ARFGAP1: variants seen among roughly 807,000 people sequenced by gnomAD.
ARFGAP1 encodes the protein ARF GTPase activating protein 1.
ARFGAP1 carries 26 observed loss-of-function variants against 54.0 expected under a neutral mutation model. The observed-to-expected ratio is 0.48, with a 90% CI of 0.35 to 0.67. The LOEUF (loss-of-function observed/expected upper bound fraction) is 0.67. Among genes scored for constraint, ARFGAP1 ranks in the 30% least tolerant of loss-of-function variants. The pLI, the probability that ARFGAP1 is intolerant of heterozygous loss-of-function variation, is 0.00. For missense variants in ARFGAP1, 525 were observed against 535.8 expected, an observed-to-expected ratio of 0.98 and a Z score of 0.20; for synonymous variants, 248 against 211.9, an observed-to-expected ratio of 1.17 and a Z score of -1.48.
chr20:63,278,940 C>T lies in ARFGAP1; in HGVS notation c.572C>T (p.Pro191Leu), dbSNP rs748362337. 3.7e-5 allele frequency: 59 copies of T among 1,614,000 alleles called. No homozygotes were observed. In the South Asian group the frequency reaches 4.7e-4, roughly 13 times the overall value. The change falls in exon 7 of 13, where the codon CCG (proline) becomes CTG (leucine). Residue 191 changes from proline to leucine, a missense_variant. Transcript: ENST00000370283. The stretch of plus-strand genomic sequence containing the variant: ...TACGTGGGGTTTGGGAACACGCCAC[C>T]GCCTCAGAAGAAAGAAGATGACTTC... Reference protein sequence around the residue: ...NRYVGFGNTPPPQKKEDDFLN... With the variant: ...NRYVGFGNTPLPQKKEDDFLN...
In ARFGAP1 at chr20:63,288,573, C is replaced by T. The variant is rs1431983284; in HGVS notation, c.*700C>T. ...GCTGTTCTCAGTGCTGGAACTTGAC[C>T]ATCCTGGAACACCCTGGAAGAAAAA... On this transcript the variant is annotated 3_prime_UTR_variant, in exon 13 of 13. Transcript: ENST00000370283. 1 of 448,966 alleles carries T rather than the reference C, an allele frequency of 2.2e-6. No individual in the cohort carries two copies. The highest frequency in any genetic ancestry group is 1.6e-5 in the South Asian group (1 of 64,460). 27.8% of individuals were successfully genotyped at this position (448,966 alleles called of 1,614,324 possible).
chr20:63,277,152 A>G, intron 4 of ARFGAP1, 53 bp from the exon 5 acceptor site: 4 of 1,517,870 alleles, frequency 2.6e-6, no homozygotes, highest in African/African-American at 1.4e-5. Flanking sequence ...ACGGTGCCCG[A>G]GGGCATCGCC....
At chr20:63,278,406 A>G in intron 6 of ARFGAP1, 2 of 536,676 alleles carry the variant, frequency 3.7e-6, no homozygotes, top group South Asian at 2.0e-5. Flanking sequence ...AGCCCCAGCC[A>G]GCCCAGGTGT....
intron 10 of ARFGAP1, among the ~76,000 whole-genome samples, chr20:63,285,145 C>T (rs897019978): frequency 1.3e-5 from 2 of 152,170 alleles, no homozygotes; most frequent in Admixed American, 6.5e-5. Flanking sequence ...GCAGTGCCCC[C>T]AGCCCAGCAC....
At chr20:63,273,116 C>T (rs1342792863) in intron 1 of ARFGAP1, 196 bp downstream of exon 1, 1 of 152,036 alleles carries the variant, frequency 6.6e-6, no homozygotes, top group East Asian at 1.9e-4. Flanking sequence ...GCGGCGGGGC[C>T]CTTCTCGCGC....
In ARFGAP1 at chr20:63,283,801, C is replaced by T. The variant is rs376254650; in HGVS notation, c.717+950C>T. 1.6e-5 allele frequency: 26 copies of T among 1,607,824 alleles called. No individual in the cohort carries two copies. In the East Asian group the frequency reaches 2.7e-4, roughly 17 times the overall value. ...CGAAGGCGCTGCTGGTTACTAATGC[C>T]GCCCCTCACCTTGCTCTCTCCTCAC... On this transcript the variant is annotated intron_variant, in intron 9 of 12. Coordinates refer to ENST00000370283, the MANE Select transcript of ARFGAP1 (RefSeq NM_018209.4).
chr20:63,275,723 T>C (rs6011712), intron 2 of ARFGAP1, 83 bp downstream of exon 2: 533,587 of 1,348,106 alleles, frequency 0.4, 109,962 homozygotes, highest in Admixed American at 0.46. Flanking sequence ...AGCCTGTAGT[T>C]CTGGGACCCT....
At chr20:63,284,775 C>T (rs934368744) in intron 9 of ARFGAP1, 91 bp from the exon 10 acceptor site, 30 of 1,564,830 alleles carry the variant, frequency 1.9e-5, no homozygotes, top group Middle Eastern at 1.7e-4. Context: ...TGGTGAAGCT[C>T]GTGCTGCCCT....
chr20:63,278,653 C>T, intron 6 of ARFGAP1: 1 of 548,020 alleles, frequency 1.8e-6, no homozygotes, highest in Non-Finnish European at 3.2e-6. Context: ...GATCCTTCTT[C>T]TAGTACTTCT....
intron 6 of ARFGAP1, 37 bp from the exon 7 acceptor site, chr20:63,278,862 G>A: frequency 6.2e-7 from 1 of 1,607,560 alleles, no homozygotes; most frequent in African/African-American, 1.3e-5. Flanking sequence ...CAGGGTTCAT[G>A]CCAGCATCTT....
At position 63,286,388 on chromosome 20, in the gene ARFGAP1, G is replaced by T. The variant is rs1419597226; in HGVS notation, c.857G>T (p.Gly286Val). 6.2e-7 allele frequency: 1 copy of T among 1,613,422 alleles called. No homozygotes were observed. Among genetic ancestry groups the T allele is most frequent in the African/African-American group, 1.3e-5 (1 of 74,952 alleles). The part of the protein sequence containing the change: ...ASKVQGVGSK[G>V]WRDVTTFFSG... ...CAGGTCCAGGGAGTCGGTAGTAAGG[G>T]ATGGCGGGACGTCACCACCTTTTTT... The change falls in exon 12 of 13, where the codon GGA (glycine) becomes GTA (valine). Residue 286 changes from glycine (G) to valine (V), a missense_variant. Physicochemically the swap from Gly to Val is moderately radical, Grantham distance 109. Transcript: ENST00000370283.
At chr20:63,282,601 C>T (rs1441615021) in intron 8 of ARFGAP1, among the ~76,000 whole-genome samples, 4 of 152,328 alleles carry the variant, frequency 2.6e-5, no homozygotes, top group South Asian at 2.1e-4. Context: ...AATAGCACAC[C>T]GAGCTGGCCT....
intron 5 of ARFGAP1, among the ~76,000 whole-genome samples, chr20:63,277,560 G>A (rs756461579): frequency 7.9e-5 from 12 of 152,174 alleles, no homozygotes; most frequent in African/African-American, 9.7e-5. Context: ...CGTGTCTGCC[G>A]TGGCGCTGTG....
intron 1 of ARFGAP1, among the ~76,000 whole-genome samples, chr20:63,274,692 C>G (rs367602728): frequency 1.3e-5 from 2 of 152,172 alleles, no homozygotes; most frequent in East Asian, 3.8e-4. Flanking sequence ...ACAGTTTGCT[C>G]GGTGGCGTGG....
chr20:63,282,412 C>T (rs984237969), intron 8 of ARFGAP1, among the ~76,000 whole-genome samples: 2 of 152,244 alleles, frequency 1.3e-5, no homozygotes, highest in Non-Finnish European at 2.9e-5. Flanking sequence ...ATGGAGCCGT[C>T]CCCACAGCAG....
chr20:63,274,111 C>A (rs1335057914), intron 1 of ARFGAP1: 5 of 152,140 alleles, frequency 3.3e-5, no homozygotes, highest in African/African-American at 1.2e-4. Context: ...GCCTCATGAT[C>A]TGTGGTTCCT....
Position 63,277,990 on chromosome 20 carries a change from C to T in ARFGAP1, c.444-127C>T, listed in dbSNP as rs138255278. The T allele has an allele frequency of 7.3e-4, 572 of 784,434 alleles. 3 individuals are homozygous for T. The highest frequency in any genetic ancestry group is 3.9e-3 in the Middle Eastern group (16 of 4,074). The allele number at this position is 784,434 out of a possible 1,614,324, so 48.6% of individuals were successfully genotyped here. A position where few individuals can be genotyped will look rare whatever the true frequency, so the allele number is the denominator to read the frequency against. On this transcript the variant is annotated intron_variant, in intron 5 of 12. Coordinates refer to ENST00000370283, the MANE Select transcript of ARFGAP1 (RefSeq NM_018209.4). The stretch of plus-strand genomic sequence containing the variant: ...ACTCAGAGCTGAAGGCCACCCTGGC[C>T]TCAGGTGCTCTCAGGGGTGACGTGA...
intron 8 of ARFGAP1, 102 bp downstream of exon 8, chr20:63,281,449 CAG>C (rs148939475): frequency 2.8e-5 from 39 of 1,396,912 alleles, no homozygotes; most frequent in East Asian, 2.2e-4. Flanking sequence ...ATGTGGGACA[CAG>C]AGGGTTTCTG....
intron 1 of ARFGAP1, chr20:63,274,310 G>GGCCCC (rs1568728097): frequency 4.9e-4 from 2 of 4,120 alleles, no homozygotes; most frequent in African/African-American, 6.6e-4. Context: ...GTGGAGTTGG[G>GGCCCC]ACCCCCCCCC....
Sources: allele counts gnomAD v4.1 joint callset (sites outside exome capture counted in the v4.1 genomes callset), GRCh38; gene constraint gnomAD v4.1.1; transcripts MANE v1.5; gene names NCBI Gene and HGNC (gene_info 2026-07-23, HGNC 2026-07-21).